The following PTPN2 variants were observed in gnomAD, a reference collection of about 807,000 sequenced individuals.
PTPN2 encodes the protein tyrosine-protein phosphatase non-receptor type 2.
A neutral mutation model predicts 57.3 loss-of-function variants in PTPN2; 19 were observed. The ratio of observed to expected loss-of-function variants is 0.33; its 90% CI spans 0.23 to 0.49. The LOEUF (loss-of-function observed/expected upper bound fraction) is 0.49. Ranked by LOEUF, PTPN2 falls within the 20% of genes least tolerant of loss-of-function variation. The probability of loss-of-function intolerance (pLI) is 0.99; values close to 1 mark genes in which losing one functional copy is unlikely to be tolerated. For missense variants in PTPN2, 358 were observed against 501.1 expected (o/e 0.71, Z 2.73); for synonymous variants, 153 against 164.9 (o/e 0.93, Z 0.55).
chr18:12,832,726 T>G (rs540522197), intron 3 of PTPN2, among the ~76,000 whole-genome samples: 1 of 152,132 alleles, frequency 6.6e-6, no homozygotes, highest in African/African-American at 2.4e-5. Context: ...GCCAGTGAGG[T>G]TACTCCTTAG....
In PTPN2 at chr18:12,838,303, G is replaced by A. The variant is rs1016571571; in HGVS notation, c.161-1412C>T. 5.9e-5 allele frequency among the ~76,000 whole-genome samples: 9 copies of A among 152,182 alleles called. No homozygotes were observed. In the South Asian group the frequency reaches 1.9e-3, roughly 32 times the overall value. On this transcript the variant is annotated intron_variant, in intron 2 of 8. Transcript: ENST00000309660. ...ATGCGGTAGGAATCCATAAAACCCGGGAAGGTCCACCTCACAGGGTGCTGG... is the reference window on the plus strand; with the variant it reads ...ATGCGGTAGGAATCCATAAAACCCGAGAAGGTCCACCTCACAGGGTGCTGG...
chr18:12,825,232 C>T (rs1012814755), intron 5 of PTPN2, among the ~76,000 whole-genome samples: 1 of 151,774 alleles, frequency 6.6e-6, no homozygotes, highest in Non-Finnish European at 1.5e-5. Flanking sequence ...ATTTTTTTTC[C>T]AACTCAATAG....
intron 1 of PTPN2, among the ~76,000 whole-genome samples, chr18:12,870,351 G>GTATATATATGTATATATATACATATATA (rs2044173708): frequency 3.5e-5 from 1 of 28,686 alleles, no homozygotes; most frequent in South Asian, 1.6e-3. Context: ...ACATATATAT[G>GTATATATATGTATATATATACATATATA]TGTATATATA....
chr18:12,877,727 G>T (rs1467435236), intron 1 of PTPN2, among the ~76,000 whole-genome samples: 2 of 152,166 alleles, frequency 1.3e-5, no homozygotes, highest in Admixed American at 1.3e-4. Context: ...AAAGAAAAAT[G>T]GCGGCCAGGC....
intron 3 of PTPN2, among the ~76,000 whole-genome samples, chr18:12,835,895 T>C (rs1445070840): frequency 6.6e-6 from 1 of 152,218 alleles, no homozygotes; most frequent in Non-Finnish European, 1.5e-5. Flanking sequence ...GTTTTTTCCA[T>C]GGGCTGTTTT....
At chr18:12,874,639 G>A (rs2044420293) in intron 1 of PTPN2, among the ~76,000 whole-genome samples, 1 of 141,158 alleles carries the variant, frequency 7.1e-6, no homozygotes, top group Non-Finnish European at 1.5e-5. Context: ...GAGGTGGGGG[G>A]GTCAGCCCCC....
chr18:12,880,066 A>T (rs1331346742), intron 1 of PTPN2, among the ~76,000 whole-genome samples: 1 of 152,196 alleles, frequency 6.6e-6, no homozygotes, highest in Non-Finnish European at 1.5e-5. Context: ...GATGCTAAAG[A>T]AGTACGCAAC....
chr18:12,799,822 G>T (rs950275911), intron 8 of PTPN2, among the ~76,000 whole-genome samples: 5 of 152,228 alleles, frequency 3.3e-5, no homozygotes, highest in Admixed American at 3.3e-4. Flanking sequence ...GCAGAGACGG[G>T]GTTTCACCAT....
chr18:12,860,748 T>A (rs1179440470), intron 1 of PTPN2, among the ~76,000 whole-genome samples: 7 of 151,922 alleles, frequency 4.6e-5, no homozygotes, highest in Admixed American at 4.6e-4. Flanking sequence ...GGCCTGAGGC[T>A]CATCCTAGGC....
intron 6 of PTPN2, among the ~76,000 whole-genome samples, 170 bp from the exon 7 acceptor site, chr18:12,814,525 C>T (rs1339518594): frequency 6.6e-6 from 1 of 152,172 alleles, no homozygotes; most frequent in Non-Finnish European, 1.5e-5. Flanking sequence ...TCCCAGCCTA[C>T]TCATCCCTCC....
chr18:12,808,359 C>T (rs1397264846), intron 7 of PTPN2, among the ~76,000 whole-genome samples: 3 of 152,082 alleles, frequency 2.0e-5, no homozygotes, highest in East Asian at 1.9e-4. Context: ...GGATTTTGAA[C>T]GTTTTCACCA....
chr18:12,877,880 G>A (rs554988501), intron 1 of PTPN2, among the ~76,000 whole-genome samples: 7 of 151,972 alleles, frequency 4.6e-5, no homozygotes, highest in South Asian at 2.1e-4. Context: ...GCGTGGTGGC[G>A]GGCGCCTGTA....
chr18:12,828,142 A>G (rs1286088339), intron 4 of PTPN2, among the ~76,000 whole-genome samples: 2 of 152,242 alleles, frequency 1.3e-5, no homozygotes, highest in Non-Finnish European at 2.9e-5. Context: ...AAAGAATAGC[A>G]CATGAGCCAA....
At chr18:12,799,289 G>A (rs1334358728) in intron 8 of PTPN2, among the ~76,000 whole-genome samples, 1 of 151,500 alleles carries the variant, frequency 6.6e-6, no homozygotes, top group Non-Finnish European at 1.5e-5. Flanking sequence ...TAGTGGCGGG[G>A]GCCTGTAATC....
Position 12,817,080 on chromosome 18 carries a change from GTTT to G in PTPN2, c.705+73_705+75del, listed in dbSNP as rs1287754508. The G allele has an allele frequency of 2.9e-6, 4 of 1,360,496 alleles. No homozygotes were observed. The African/African-American group carries it at 5.9e-5, about 20-fold the overall frequency. 84.3% of individuals were successfully genotyped at this position (1,360,496 alleles called of 1,614,324 possible). A position where few individuals can be genotyped will look rare whatever the true frequency, so the allele number is the denominator to read the frequency against. ...CTCAGTTCTGGGATACAGCATCAGAGTTTATTCACTGCCAGTGGAAGCAATTTA... is the reference window on the plus strand; with the variant it reads ...CTCAGTTCTGGGATACAGCATCAGAGATTCACTGCCAGTGGAAGCAATTTA... On this transcript the variant is annotated intron_variant, in intron 6 of 8. Coordinates refer to ENST00000309660, the MANE Select transcript of PTPN2 (RefSeq NM_002828.4).
chr18:12,872,839 C>T (rs2044316352), intron 1 of PTPN2, among the ~76,000 whole-genome samples: 1 of 152,216 alleles, frequency 6.6e-6, no homozygotes. Flanking sequence ...TAAATCGGCA[C>T]AACATTTAAA....
intron 1 of PTPN2, among the ~76,000 whole-genome samples, chr18:12,870,451 A>ACG (rs1568169717): frequency 4.1e-5 from 2 of 48,886 alleles, no homozygotes; most frequent in Non-Finnish European, 6.8e-5. Flanking sequence ...GTATATATAT[A>ACG]TATATATATA....
chr18:12,817,290 A>C lies in PTPN2; in HGVS notation c.571T>G (p.Ser191Ala). Residue 191 changes from serine to alanine, a missense_variant, in exon 6 of 9, where the codon TCA (serine) becomes GCA (alanine). Coordinates refer to ENST00000309660, the MANE Select transcript of PTPN2 (RefSeq NM_002828.4). ...ACTTTAAACAAGAAATTGAGAAATGAAGCTGGTGATTCAGGGACTCCAAAA... is the reference window on the plus strand; with the variant it reads ...ACTTTAAACAAGAAATTGAGAAATGCAGCTGGTGATTCAGGGACTCCAAAA... ...PDFGVPESPA[S>A]FLNFLFKVRE... is the part of the protein sequence containing the mutation. 1 of 1,614,140 alleles carries C rather than the reference A, an allele frequency of 6.2e-7. No individual in the cohort carries two copies. Among genetic ancestry groups the C allele is most frequent in the Non-Finnish European group, 8.5e-7 (1 of 1,179,988 alleles).
At chr18:12,832,238 T>C (rs550750803) in intron 3 of PTPN2, among the ~76,000 whole-genome samples, 13 of 152,272 alleles carry the variant, frequency 8.5e-5, no homozygotes, top group African/African-American at 3.1e-4. Flanking sequence ...TGCCTAAGCC[T>C]CCCACGGAGC....
Sources: gnomAD v4.1 joint callset for allele counts (sites outside exome capture counted in the v4.1 genomes callset) on GRCh38, gnomAD v4.1.1 for gene constraint, MANE v1.5 for transcripts, NCBI Gene and HGNC (gene_info 2026-07-23, HGNC 2026-07-21) for gene names.